CYB561A3: variants seen among roughly 807,000 people sequenced by gnomAD.
CYB561A3 encodes cytochrome b561 family member A3.
A neutral mutation model predicts 25.3 loss-of-function variants in CYB561A3; 16 were observed. That is an observed-to-expected ratio of 0.63 (90% CI 0.43 to 0.96). The LOEUF (loss-of-function observed/expected upper bound fraction) is 0.96, where lower values mean the gene tolerates loss of function less well. CYB561A3 is among the 40% of genes least tolerant of loss of function. The pLI is 0.00. For synonymous variants in CYB561A3, 131 were observed against 129.9 expected, an observed-to-expected ratio of 1.01 and a Z score of -0.06; for missense variants, 219 against 307.5, an observed-to-expected ratio of 0.71 and a Z score of 2.15.
At position 61,349,524 on chromosome 11, in the gene CYB561A3, T is replaced by C. The variant is rs1414043407; in HGVS notation, c.*875A>G. 3 of 702,798 alleles carry C rather than the reference T, an allele frequency of 4.3e-6. No individual in the cohort carries two copies. Among genetic ancestry groups the C allele is most frequent in the Admixed American group, 4.0e-5 (2 of 50,008 alleles). The allele number at this position is 702,798 out of a possible 1,614,324, so 43.5% of individuals were successfully genotyped here. On this transcript the variant is annotated 3_prime_UTR_variant, in exon 7 of 7. Coordinates refer to ENST00000294072, the MANE Select transcript of CYB561A3 (RefSeq NM_153611.6). Reference sequence around the variant, plus strand: ...TCTGTTACTCATCGCTACTGGGACATCTGGGGACAGGCTCTGTTCTTGGGA... The same window carrying C: ...TCTGTTACTCATCGCTACTGGGACACCTGGGGACAGGCTCTGTTCTTGGGA...
rs751648501 is a variant in CYB561A3, at chr11:61,353,191, C to T, written c.394-52G>A. The stretch of plus-strand genomic sequence containing the variant: ...GACTGTGCTATGTGTGACCAAAGCA[C>T]ATCCCACCCCATCAGTGCCTCCTCC... On this transcript the variant is annotated intron_variant, in intron 4 of 6. Coordinates refer to ENST00000294072, the MANE Select transcript of CYB561A3 (RefSeq NM_153611.6). 12 of 1,529,648 alleles carry T rather than the reference C, an allele frequency of 7.8e-6. No individual in the cohort carries two copies. In the African/African-American group the frequency reaches 1.1e-4, roughly 14 times the overall value. 94.8% of individuals were successfully genotyped at this position (1,529,648 alleles called of 1,614,324 possible). A position where few individuals can be genotyped will look rare whatever the true frequency, so the allele number is the denominator to read the frequency against.
At position 61,349,853 on chromosome 11, in the gene CYB561A3, G is replaced by A. The variant is rs1857316156; in HGVS notation, c.*546C>T. 1.8e-6 allele frequency: 1 copy of A among 571,344 alleles called. No individual in the cohort carries two copies. Among genetic ancestry groups the A allele is most frequent in the Non-Finnish European group, 3.2e-6 (1 of 316,940 alleles). 35.4% of individuals were successfully genotyped at this position (571,344 alleles called of 1,614,324 possible). On this transcript the variant is annotated 3_prime_UTR_variant, in exon 7 of 7. Transcript: ENST00000294072. ...ATGAAGCCTGCTCTGTGGCGGGGCA[G>A]CCTAACTGAAATGCACACCTTTATG...
rs974896577 is a variant in CYB561A3 at position 61,350,272 on chromosome 11, A to C, written c.*127T>G. 3.2e-6 allele frequency: 4 copies of C among 1,262,390 alleles called. No individual in the cohort carries two copies. The African/African-American group carries it at 6.0e-5, about 19-fold the overall frequency. The allele number at this position is 1,262,390 out of a possible 1,614,324, so 78.2% of individuals were successfully genotyped here. ...GAGGGCAGGCCAGCACCCAGGCAAG[A>C]AGTCTGGGCCCAGCATTGGAAGAAA... is the stretch of plus-strand genomic sequence containing the variant. On this transcript the variant is annotated 3_prime_UTR_variant, in exon 7 of 7. Transcript: ENST00000294072.
intron 5 of CYB561A3, chr11:61,351,944 G>C (rs1186047668): frequency 6.6e-6 from 1 of 151,956 alleles, no homozygotes; most frequent in Non-Finnish European, 1.5e-5. Flanking sequence ...AGAGAGAGAG[G>C]GTCTTCCTAT....
chr11:61,353,746 C>A, intron 4 of CYB561A3, 38 bp downstream of exon 4: 2 of 1,610,310 alleles, frequency 1.2e-6, no homozygotes, highest in Non-Finnish European at 8.5e-7. Context: ...GAGCTCATGG[C>A]TCTGGGAACC....
chr11:61,356,505 C>T (rs762692032), intron 3 of CYB561A3, 25 bp downstream of exon 3: 6 of 1,609,312 alleles, frequency 3.7e-6, no homozygotes, highest in Non-Finnish European at 5.1e-6. Flanking sequence ...CCCTATCCCG[C>T]CTCCCTTCCT....
Position 61,350,176 on chromosome 11 carries a change from C to T in CYB561A3, c.*223G>A, listed in dbSNP as rs1162377751. On this transcript the variant is annotated 3_prime_UTR_variant, in exon 7 of 7. Transcript: ENST00000294072. The stretch of plus-strand genomic sequence containing the variant: ...CCAAGGAAAGCAGACAGGCAGCAAG[C>T]GGCCGGAGAGGGCAGGCCCAGCACC... 6 of 605,920 alleles carry T rather than the reference C, an allele frequency of 9.9e-6. No individual in the cohort carries two copies. The highest frequency in any genetic ancestry group is 2.0e-5 in the South Asian group (1 of 49,434). The allele number at this position is 605,920 out of a possible 1,614,324, so 37.5% of individuals were successfully genotyped here. A position where few individuals can be genotyped will look rare whatever the true frequency, so the allele number is the denominator to read the frequency against.
chr11:61,357,325 A>C, intron 2 of CYB561A3: 1 of 1,208,764 alleles, frequency 8.3e-7, no homozygotes. Flanking sequence ...GAACCAGCTG[A>C]TGCCCCTCAG....
Position 61,350,425 on chromosome 11 carries a change from G to A in CYB561A3, c.706-3C>T. 6.2e-7 allele frequency: 1 copy of A among 1,611,454 alleles called. No homozygotes were observed. The highest frequency in any genetic ancestry group is 8.5e-7 in the Non-Finnish European group (1 of 1,179,206). ...CACTCCCCATCATGCAGCAGGGGCT[G>A]GAAAGAGAGGCAGATGCCCAGGAGT... On this transcript the variant is annotated splice_region_variant and splice_polypyrimidine_tract_variant and intron_variant, in intron 6 of 6. Transcript: ENST00000294072.
chr11:61,349,278 G>C lies in CYB561A3; in HGVS notation c.*1121C>G, dbSNP rs948563178. The stretch of plus-strand genomic sequence containing the variant: ...AGGCAAGCAGCCATGGTGGGGCCAG[G>C]TGAAGCAATGTGGGTCTCAGCAAGG... On this transcript the variant is annotated 3_prime_UTR_variant, in exon 7 of 7. Coordinates refer to ENST00000294072, the MANE Select transcript of CYB561A3 (RefSeq NM_153611.6). The C allele has an allele frequency of 4.5e-6, 2 of 440,266 alleles. No homozygotes were observed. The highest frequency in any genetic ancestry group is 4.0e-5 in the African/African-American group (2 of 50,258). 27.3% of individuals were successfully genotyped at this position (440,266 alleles called of 1,614,324 possible). A position where few individuals can be genotyped will look rare whatever the true frequency, so the allele number is the denominator to read the frequency against.
intron 2 of CYB561A3, chr11:61,357,369 C>T (rs978629444): frequency 1.4e-6 from 1 of 712,754 alleles, no homozygotes; most frequent in Non-Finnish European, 2.3e-6. Context: ...GCTTTCTCTT[C>T]CTCTGGGGAA....
chr11:61,351,228 A>G (rs1288076577), intron 5 of CYB561A3, 81 bp from the exon 6 acceptor site: 2 of 1,451,786 alleles, frequency 1.4e-6, no homozygotes, highest in Admixed American at 5.2e-5. Context: ...TGTCACTAAC[A>G]GAGGGTGAGA....
chr11:61,354,092 GGAAC>G, intron 3 of CYB561A3, 100 bp from the exon 4 acceptor site: 1 of 1,304,178 alleles, frequency 7.7e-7, no homozygotes, highest in Non-Finnish European at 1.1e-6. Flanking sequence ...TCCCAGCAAG[GGAAC>G]AGGAAATGCT....
Position 61,357,019 on chromosome 11 carries a change from C to T in CYB561A3, c.-15-291G>A. Reference sequence around the variant, plus strand: ...AAGGCCAGATGCCAAGGCCCAAGACCCAGAGTCCTGGGATTCCTCTCCCCT... The same window carrying T: ...AAGGCCAGATGCCAAGGCCCAAGACTCAGAGTCCTGGGATTCCTCTCCCCT... On this transcript the variant is annotated intron_variant, in intron 2 of 6. Transcript: ENST00000294072. 8.2e-6 allele frequency: 12 copies of T among 1,459,572 alleles called. No homozygotes were observed. In the South Asian group the frequency reaches 1.5e-4, roughly 19 times the overall value. The allele number at this position is 1,459,572 out of a possible 1,614,324, so 90.4% of individuals were successfully genotyped here.
chr11:61,350,818 C>A, intron 6 of CYB561A3, 173 bp downstream of exon 6: 1 of 875,988 alleles, frequency 1.1e-6, no homozygotes, highest in Non-Finnish European at 1.7e-6. Context: ...CACTGGGATG[C>A]GCTGGTTTGG....
intron 2 of CYB561A3, chr11:61,356,962 C>G: frequency 6.9e-7 from 1 of 1,455,948 alleles, no homozygotes; most frequent in Admixed American, 2.7e-5. Flanking sequence ...CCAGACAGAG[C>G]AGCAAACTCA....
chr11:61,355,339 C>T (rs1421168380), intron 3 of CYB561A3, among the ~76,000 whole-genome samples: 2 of 152,098 alleles, frequency 1.3e-5, no homozygotes, highest in Admixed American at 6.5e-5. Context: ...ATGAGGCTCA[C>T]CAGGGCCCCA....
In CYB561A3 at chr11:61,360,153, G is replaced by A. The variant is rs894916460; in HGVS notation, c.-112+1580C>T. On this transcript the variant is annotated intron_variant, in intron 1 of 6. Coordinates refer to ENST00000294072, the MANE Select transcript of CYB561A3 (RefSeq NM_153611.6). ...GCTACTCAGGAGGCTGAGGTGGGAG[G>A]ATGGCTTGAGCCCAGGAGAAGGCTG... The A allele has an allele frequency of 4.6e-5, 7 of 152,186 alleles. No individual in the cohort carries two copies. In the East Asian group the frequency reaches 7.7e-4, roughly 17 times the overall value. 9.4% of individuals were successfully genotyped at this position (152,186 alleles called of 1,614,324 possible).
In CYB561A3 at chr11:61,351,070, G is replaced by A. The variant is rs760458411; in HGVS notation, c.626C>T (p.Ala209Val). Residue 209 changes from alanine to valine, a missense_variant, in exon 6 of 7, where the codon GCC (alanine) becomes GTC (valine). Coordinates refer to ENST00000294072, the MANE Select transcript of CYB561A3 (RefSeq NM_153611.6). ...FANSTGMLVV[A>V]FGLLVLYILL... ...GATGTAGAGCACCAGCAGCCCAAAG[G>A]CCACCACCAGCATCCCGGTGCTGTT... is the stretch of plus-strand genomic sequence containing the variant. 1.2e-6 allele frequency: 2 copies of A among 1,613,932 alleles called. No individual in the cohort carries two copies. Among genetic ancestry groups the A allele is most frequent in the Non-Finnish European group, 1.7e-6 (2 of 1,179,972 alleles).
Sources: gnomAD v4.1 joint callset for allele counts (sites outside exome capture counted in the v4.1 genomes callset) on GRCh38, gnomAD v4.1.1 for gene constraint, MANE v1.5 for transcripts, NCBI Gene and HGNC (gene_info 2026-07-23, HGNC 2026-07-21) for gene names.